Variants in GPR19 observed in about 807,000 individuals in gnomAD.
GPR19 encodes the protein probable G protein-coupled receptor 19.
A neutral mutation model predicts 28.5 loss-of-function variants in GPR19; 14 were observed. The ratio of observed to expected loss-of-function variants is 0.49; its 90% confidence interval spans 0.32 to 0.77. The LOEUF (loss-of-function observed/expected upper bound fraction) is 0.77, where lower values mean the gene tolerates loss of function less well. Among genes scored for constraint, GPR19 ranks in the 30% least tolerant of loss-of-function variants. The probability of loss-of-function intolerance (pLI) is 0.03; values close to 1 mark genes in which losing one functional copy is unlikely to be tolerated. For synonymous variants in GPR19, 173 were observed against 184.1 expected (o/e 0.94, Z 0.49); for missense variants, 409 against 504.1 (o/e 0.81, Z 1.81).
At chr12:12,675,613 G>C (rs74061743) in intron 3 of GPR19, among the ~76,000 whole-genome samples, 2 of 152,170 alleles carry the variant, frequency 1.3e-5, no homozygotes, top group Non-Finnish European at 2.9e-5. Flanking sequence ...GCAGCAGCAG[G>C]AGAAGTCAGA....
the GPR19 span, chr12:12,717,061 G>A: frequency 2.0e-6 from 2 of 1,007,764 alleles, no homozygotes; most frequent in South Asian, 9.3e-5. Flanking sequence ...ACGCAGCGCC[G>A]GGCCCCGAAC....
intron 3 of GPR19, among the ~76,000 whole-genome samples, chr12:12,670,995 C>T (rs1381167295): frequency 6.6e-6 from 1 of 151,928 alleles, no homozygotes; most frequent in Non-Finnish European, 1.5e-5. Context: ...TTCAAAAGCC[C>T]ATAGAATCTA....
chr12:12,692,788 A>T (rs1160342729), intron 2 of GPR19, among the ~76,000 whole-genome samples: 1 of 152,034 alleles, frequency 6.6e-6, no homozygotes, highest in African/African-American at 2.4e-5. Flanking sequence ...CAGCTGAAAA[A>T]GCCCTTAAGA....
chr12:12,661,170 T>C lies in GPR19; in HGVS notation c.*31A>G, dbSNP rs781011199. The C allele has an allele frequency of 6.8e-7, 1 of 1,474,104 alleles. No individual in the cohort carries two copies. Among genetic ancestry groups the C allele is most frequent in the Non-Finnish European group, 9.2e-7 (1 of 1,083,814 alleles). The allele number at this position is 1,474,104 out of a possible 1,614,324, so 91.3% of individuals were successfully genotyped here. A position where few individuals can be genotyped will look rare whatever the true frequency, so the allele number is the denominator to read the frequency against. The stretch of plus-strand genomic sequence containing the variant: ...TTTTTATAGTTAAAGCTTTTTAATC[T>C]CTGGTGCATAACAATTGAAAGAATG... On this transcript the variant is annotated 3_prime_UTR_variant, in exon 4 of 4. Transcript: ENST00000651487. The surrounding 1 kb of genome is among the most constrained non-coding windows in gnomAD (Gnocchi z 4.2).
At chr12:12,695,728 A>T (rs550957224) in intron 1 of GPR19, among the ~76,000 whole-genome samples, 1 of 152,228 alleles carries the variant, frequency 6.6e-6, no homozygotes, top group East Asian at 1.9e-4. Context: ...CTGTTTACAA[A>T]CATGCATAAG....
At chr12:12,689,676 G>A (rs567949558) in intron 2 of GPR19, among the ~76,000 whole-genome samples, 23 of 152,088 alleles carry the variant, frequency 1.5e-4, no homozygotes, top group African/African-American at 5.5e-4. Context: ...TGCATCTAAG[G>A]TCTGGCTGCC....
intron 3 of GPR19, among the ~76,000 whole-genome samples, chr12:12,669,688 T>C (rs1215618139): frequency 8.5e-5 from 13 of 152,188 alleles, no homozygotes; most frequent in Non-Finnish European, 1.6e-4. Flanking sequence ...GTTTTGTTTT[T>C]TTCCCCCCTC....
intron 3 of GPR19, among the ~76,000 whole-genome samples, chr12:12,669,315 A>G (rs1945825614): frequency 6.6e-6 from 1 of 152,212 alleles, no homozygotes; most frequent in Admixed American, 6.5e-5. Context: ...CTGCATAATT[A>G]ACTGTTGCCT....
the GPR19 span, among the ~76,000 whole-genome samples, chr12:12,701,354 T>C: frequency 6.6e-6 from 1 of 152,170 alleles, no homozygotes; most frequent in Non-Finnish European, 1.5e-5. Context: ...AATGAAGCAA[T>C]GTAATTTCTG....
rs538464433 is a variant in GPR19, at chr12:12,672,797, G to A, written c.-22-10327C>T. Among the ~76,000 whole-genome samples, 14 of 152,020 alleles carry A rather than the reference G, an allele frequency of 9.2e-5. No homozygotes were observed. The East Asian group carries it at 2.5e-3, about 27-fold the overall frequency. On this transcript the variant is annotated intron_variant, in intron 3 of 3. Transcript: ENST00000651487. Reference sequence around the variant, plus strand: ...TAAGAAATGACCATTTTGTTATGATGGCATATGCAAAATAGTCTTCAATCA... The same window carrying A: ...TAAGAAATGACCATTTTGTTATGATAGCATATGCAAAATAGTCTTCAATCA...
chr12:12,669,214 G>A (rs1945823900), intron 3 of GPR19, among the ~76,000 whole-genome samples: 1 of 152,230 alleles, frequency 6.6e-6, no homozygotes, highest in Non-Finnish European at 1.5e-5. Flanking sequence ...CTGCACAGAA[G>A]CTTAGCATCA....
At chr12:12,697,413 T>G (rs1421883297), upstream of GPR19, among the ~76,000 whole-genome samples, 1 of 152,174 alleles carries the variant, frequency 6.6e-6, no homozygotes, top group Admixed American at 6.5e-5. Context: ...TTAAAAAGTA[T>G]TTTTATGGAA....
chr12:12,690,249 G>A (rs192963351), intron 2 of GPR19, among the ~76,000 whole-genome samples: 38 of 152,294 alleles, frequency 2.5e-4, no homozygotes, highest in Non-Finnish European at 4.6e-4. Context: ...GATATCTGTA[G>A]CGAGTTAAAT....
intron 3 of GPR19, among the ~76,000 whole-genome samples, chr12:12,664,379 T>C (rs1042445309): frequency 6.6e-6 from 1 of 152,152 alleles, no homozygotes; most frequent in African/African-American, 2.4e-5. Flanking sequence ...CTATATTCAA[T>C]ACAAGTCTAG....
chr12:12,681,234 A>G (rs1380224219), intron 3 of GPR19, among the ~76,000 whole-genome samples: 4 of 152,162 alleles, frequency 2.6e-5, no homozygotes, highest in Non-Finnish European at 4.4e-5. Flanking sequence ...CACCCTAGGA[A>G]GGGATCTGAT....
rs1167265081 is a variant in GPR19, at chr12:12,662,309, T to C, written c.140A>G (p.His47Arg). 6 of 1,614,106 alleles carry C rather than the reference T, an allele frequency of 3.7e-6. No homozygotes were observed. The African/African-American group carries it at 6.7e-5, about 18-fold the overall frequency. Residue 47 changes from histidine to arginine, a missense_variant, in exon 4 of 4, where the codon CAC becomes CGC. Coordinates refer to ENST00000651487, the MANE Select transcript of GPR19 (RefSeq NM_006143.3). ...SQYLMELSEE[H>R]SWMSNQTDLH... ...GTCTGTTTGGTTGCTCATCCAACTG[T>C]GCTCCTCACTTAATTCCATCAGGTA... is the stretch of plus-strand genomic sequence containing the variant.
At chr12:12,667,502 C>T (rs1341042764) in intron 3 of GPR19, among the ~76,000 whole-genome samples, 2 of 151,876 alleles carry the variant, frequency 1.3e-5, no homozygotes, top group Non-Finnish European at 2.9e-5. Flanking sequence ...ACCAGCCTGG[C>T]CAATACGGCA....
At chr12:12,666,210 A>G (rs1306385262) in intron 3 of GPR19, among the ~76,000 whole-genome samples, 1 of 152,158 alleles carries the variant, frequency 6.6e-6, no homozygotes, top group Non-Finnish European at 1.5e-5. Flanking sequence ...ATAGTTTCTA[A>G]ATGCCCTACA....
chr12:12,694,501 T>C (rs7977124), intron 2 of GPR19, among the ~76,000 whole-genome samples: 149,340 of 152,084 alleles, frequency 0.98, 73,384 homozygotes, highest in East Asian at 1. Flanking sequence ...CTACCGCGCC[T>C]GACCCGGTAG....
Sources: gnomAD v4.1 joint callset for allele counts (sites outside exome capture counted in the v4.1 genomes callset) on GRCh38, gnomAD v4.1.1 for gene constraint, Gnocchi (gnomAD v3.1) non-coding constraint, MANE v1.5 for transcripts, NCBI Gene and HGNC (gene_info 2026-07-23, HGNC 2026-07-21) for gene names.